KIRREL3: variants seen among roughly 807,000 people sequenced by gnomAD.
KIRREL3 encodes kin of IRRE-like protein 3.
Under a neutral mutation model 89.7 loss-of-function variants are expected in KIRREL3, and 36 were observed. The ratio of observed to expected loss-of-function variants is 0.40; its 90% CI spans 0.31 to 0.53. KIRREL3 has a LOEUF of 0.53. Ranked by LOEUF, KIRREL3 falls within the 20% of genes least tolerant of loss-of-function variation. The pLI is 0.49. For synonymous variants in KIRREL3, 445 were observed against 441.4 expected (o/e 1.01, Z -0.10); for missense variants, 864 against 1,056.6 (o/e 0.82, Z 2.53).
chr11:126,723,089 A>G lies in KIRREL3; in HGVS notation c.56-160177T>C, dbSNP rs1948241744. ...TACGGTAGGTATTGCGGTATTTGAC[A>G]CATGTTGGACTCTCCACTTGACTGA... On this transcript the variant is annotated intron_variant, in intron 1 of 16. Coordinates refer to ENST00000525144, the MANE Select transcript of KIRREL3 (RefSeq NM_032531.4). The surrounding 1 kb of genome is among the most constrained non-coding windows in gnomAD (Gnocchi z 4.0). 6.6e-6 allele frequency among the ~76,000 whole-genome samples: 1 copy of G among 152,150 alleles called. No homozygotes were observed. Among genetic ancestry groups the G allele is most frequent in the Non-Finnish European group, 1.5e-5 (1 of 68,030 alleles).
chr11:126,992,094 C>T (rs78493071), intron 1 of KIRREL3, among the ~76,000 whole-genome samples: 3,320 of 152,282 alleles, frequency 0.022, 51 homozygotes, highest in Non-Finnish European at 0.034. Flanking sequence ...ATTACTGCCA[C>T]GACTAACAAC....
chr11:126,907,676 T>C (rs964638861), intron 1 of KIRREL3, among the ~76,000 whole-genome samples: 4 of 152,182 alleles, frequency 2.6e-5, no homozygotes, highest in Non-Finnish European at 5.9e-5. Context: ...ATGCATCTTT[T>C]CCCCTAGTCT....
chr11:126,803,546 G>A (rs1951107540), intron 1 of KIRREL3, among the ~76,000 whole-genome samples: 1 of 152,016 alleles, frequency 6.6e-6, no homozygotes, highest in African/African-American at 2.4e-5. Flanking sequence ...AAATCCCACT[G>A]TTAGTAGTGT....
At chr11:126,779,052 T>C (rs1328258372) in intron 1 of KIRREL3, among the ~76,000 whole-genome samples, 2 of 152,220 alleles carry the variant, frequency 1.3e-5, no homozygotes, top group Non-Finnish European at 2.9e-5. Flanking sequence ...ATCCCTTATC[T>C]GGATGGCTAA....
intron 1 of KIRREL3, among the ~76,000 whole-genome samples, chr11:126,790,643 A>T (rs1002100972): frequency 3.3e-5 from 5 of 152,210 alleles, no homozygotes; most frequent in African/African-American, 1.2e-4. Context: ...CTTGAGGTGA[A>T]CGTAAACAAC....
At position 126,594,634 on chromosome 11, in the gene KIRREL3, A is replaced by G. The variant is rs1942302950; in HGVS notation, c.56-31722T>C. ...AGAGGCCTCATGAGTGGTGCCTTTA[A>G]GAGTGCAATGAGGCCGCAGCAGAAA... is the stretch of plus-strand genomic sequence containing the variant. On this transcript the variant is annotated intron_variant, in intron 1 of 16. Coordinates refer to ENST00000525144, the MANE Select transcript of KIRREL3 (RefSeq NM_032531.4). The surrounding 1 kb of genome is among the most constrained non-coding windows in gnomAD (Gnocchi z 5.0). Among the ~76,000 whole-genome samples, 1 of 152,060 alleles carries G rather than the reference A, an allele frequency of 6.6e-6. No homozygotes were observed. The highest frequency in any genetic ancestry group is 1.5e-5 in the Non-Finnish European group (1 of 68,028).
intron 3 of KIRREL3, among the ~76,000 whole-genome samples, chr11:126,524,922 G>C (rs1306266812): frequency 6.6e-6 from 1 of 152,204 alleles, no homozygotes; most frequent in Non-Finnish European, 1.5e-5. Context: ...TTTGGGACAA[G>C]TGACAAAATA....
rs1055460134 is a variant in KIRREL3 at position 126,544,513 on chromosome 11, C to G, written c.134-17826G>C. 1.3e-5 allele frequency among the ~76,000 whole-genome samples: 2 copies of G among 152,082 alleles called. No individual in the cohort carries two copies. Among genetic ancestry groups the G allele is most frequent in the African/African-American group, 4.8e-5 (2 of 41,394 alleles). On this transcript the variant is annotated intron_variant, in intron 2 of 16. Transcript: ENST00000525144. The surrounding 1 kb of genome is among the most constrained non-coding windows in gnomAD (Gnocchi z 5.6). ...CTTGATTTATTGCAGGATGATAGGT[C>G]TGGGACTGGGGGTGGGACTGCCCGG...
In KIRREL3 at chr11:126,903,057, C is replaced by T. The variant is rs969075402; in HGVS notation, c.55+97398G>A. ...GCAAAAAATAGCATCATTTACTCAG[C>T]AGCATATTGTACCTTTGCCTATTGT... On this transcript the variant is annotated intron_variant, in intron 1 of 16. Coordinates refer to ENST00000525144, the MANE Select transcript of KIRREL3 (RefSeq NM_032531.4). The surrounding 1 kb of genome is among the most constrained non-coding windows in gnomAD (Gnocchi z 4.5). Among the ~76,000 whole-genome samples, 1 of 152,186 alleles carries T rather than the reference C, an allele frequency of 6.6e-6. No homozygotes were observed. The highest frequency in any genetic ancestry group is 6.5e-5 in the Admixed American group (1 of 15,284).
chr11:126,898,000 T>C lies in KIRREL3; in HGVS notation c.55+102455A>G, dbSNP rs948953081. 6.6e-6 allele frequency among the ~76,000 whole-genome samples: 1 copy of C among 152,156 alleles called. No individual in the cohort carries two copies. Among genetic ancestry groups the C allele is most frequent in the Non-Finnish European group, 1.5e-5 (1 of 68,030 alleles). ...CACTGGTCTAGCACTATTGTGTCAC[T>C]GAATTCCTACAGAATCTTAGCAGTC... is the stretch of plus-strand genomic sequence containing the variant. On this transcript the variant is annotated intron_variant, in intron 1 of 16. Coordinates refer to ENST00000525144, the MANE Select transcript of KIRREL3 (RefSeq NM_032531.4). This position sits in a 1 kb window ranked among gnomAD's most constrained non-coding sequence, Gnocchi z 4.2.
intron 4 of KIRREL3, among the ~76,000 whole-genome samples, chr11:126,499,430 A>G (rs1591638633): frequency 6.6e-6 from 1 of 152,140 alleles, no homozygotes; most frequent in Non-Finnish European, 1.5e-5. Context: ...TTCACGCCCC[A>G]TACCCTGCAT....
At chr11:126,584,220 G>A (rs1941706604) in intron 1 of KIRREL3, among the ~76,000 whole-genome samples, 1 of 152,186 alleles carries the variant, frequency 6.6e-6, no homozygotes, top group Admixed American at 6.5e-5. Context: ...CATCAACATA[G>A]CCTGGGAGCA....
chr11:126,582,694 C>T (rs1479548491), intron 1 of KIRREL3, among the ~76,000 whole-genome samples: 3 of 152,110 alleles, frequency 2.0e-5, no homozygotes, highest in East Asian at 1.9e-4. Context: ...GGAAGGTCAC[C>T]GAGTATTTGC....
At chr11:126,497,946 G>A (rs571047331) in intron 4 of KIRREL3, among the ~76,000 whole-genome samples, 8 of 150,452 alleles carry the variant, frequency 5.3e-5, no homozygotes, top group African/African-American at 9.8e-5. Flanking sequence ...GTGGGCCCCC[G>A]TGGAATACAC....
chr11:126,974,304 C>T (rs2135224884), intron 1 of KIRREL3, among the ~76,000 whole-genome samples: 1 of 152,270 alleles, frequency 6.6e-6, no homozygotes, highest in South Asian at 2.1e-4. Flanking sequence ...TTTTCAATAA[C>T]AGTCATGCAT....
intron 1 of KIRREL3, among the ~76,000 whole-genome samples, chr11:126,868,328 G>T (rs953116208): frequency 6.6e-6 from 1 of 152,194 alleles, no homozygotes; most frequent in Non-Finnish European, 1.5e-5. Flanking sequence ...GTGGATAAGG[G>T]CGTTAGAGGA....
In KIRREL3 at chr11:126,686,841, A is replaced by G. The variant is rs533992827; in HGVS notation, c.56-123929T>C. Among the ~76,000 whole-genome samples, 2 of 152,336 alleles carry G rather than the reference A, an allele frequency of 1.3e-5. No homozygotes were observed. The highest frequency in any genetic ancestry group is 2.1e-4 in the South Asian group (1 of 4,818). On this transcript the variant is annotated intron_variant, in intron 1 of 16. Coordinates refer to ENST00000525144, the MANE Select transcript of KIRREL3 (RefSeq NM_032531.4). This position sits in a 1 kb window ranked among gnomAD's most constrained non-coding sequence, Gnocchi z 4.7. ...TGATTCACCCACCTTGGCCTCCCAA[A>G]GTGCCAGGATTACAGGTGTGAGCCA... is the stretch of plus-strand genomic sequence containing the variant.
intron 1 of KIRREL3, among the ~76,000 whole-genome samples, chr11:126,718,928 G>C (rs79931346): frequency 1.3e-5 from 2 of 152,114 alleles, no homozygotes; most frequent in African/African-American, 4.8e-5. Context: ...ACTCAAGGGC[G>C]TTGATAGAAA....
chr11:126,725,324 G>T (rs555056047), intron 1 of KIRREL3, among the ~76,000 whole-genome samples: 1 of 132,258 alleles, frequency 7.6e-6, no homozygotes, highest in Non-Finnish European at 1.6e-5. Context: ...GGCAGAGTGC[G>T]CTATCAGGAG....
Sources: allele counts gnomAD v4.1 joint callset (sites outside exome capture counted in the v4.1 genomes callset), GRCh38; gene constraint gnomAD v4.1.1; non-coding constraint Gnocchi (gnomAD v3.1); transcripts MANE v1.5; gene names NCBI Gene and HGNC (gene_info 2026-07-23, HGNC 2026-07-21).